Variants in SLC35F4 observed in about 807,000 individuals in gnomAD.
SLC35F4 encodes solute carrier family 35 member F4, also known as chromosome 14 open reading frame 36.
A neutral mutation model predicts 44.2 loss-of-function variants in SLC35F4; 24 were observed. The observed-to-expected ratio is 0.54, with a 90% CI of 0.39 to 0.76. The LOEUF (loss-of-function observed/expected upper bound fraction) is 0.76. Among genes scored for constraint, SLC35F4 ranks in the 30% least tolerant of loss-of-function variants. The pLI is 0.00. For missense variants in SLC35F4, 562 were observed against 586.1 expected, an observed-to-expected ratio of 0.96 and a Z score of 0.42; for synonymous variants, 238 against 223.6, an observed-to-expected ratio of 1.06 and a Z score of -0.57.
chr14:57,813,728 A>G (rs1263770049), intron 1 of SLC35F4, among the ~76,000 whole-genome samples: 1 of 152,208 alleles, frequency 6.6e-6, no homozygotes, highest in Non-Finnish European at 1.5e-5. Context: ...GCACAGCATC[A>G]GTGGGTTTGA....
chr14:57,620,891 T>G (rs1447461455), intron 1 of SLC35F4, among the ~76,000 whole-genome samples: 1 of 152,144 alleles, frequency 6.6e-6, no homozygotes, highest in Non-Finnish European at 1.5e-5. Context: ...TGTTTGCAGA[T>G]GTACATGATT....
At chr14:57,963,068 G>T (rs1020822335) in intron 1 of SLC35F4, among the ~76,000 whole-genome samples, 1 of 152,204 alleles carries the variant, frequency 6.6e-6, no homozygotes, top group Non-Finnish European at 1.5e-5. Context: ...GAACAGGAGG[G>T]AGTTGCTCAA....
At chr14:57,878,494 C>T (rs187805719) in intron 1 of SLC35F4, among the ~76,000 whole-genome samples, 54 of 152,286 alleles carry the variant, frequency 3.5e-4, no homozygotes, top group Non-Finnish European at 6.5e-4. Flanking sequence ...TCCCCTCATT[C>T]TAAATTCCTG....
chr14:57,816,792 G>A (rs956654876), intron 1 of SLC35F4, among the ~76,000 whole-genome samples: 1 of 152,174 alleles, frequency 6.6e-6, no homozygotes, highest in Non-Finnish European at 1.5e-5. Flanking sequence ...CCTCCTTTGA[G>A]TGCATGACTT....
chr14:57,877,342 T>A (rs1447135116), intron 1 of SLC35F4, among the ~76,000 whole-genome samples: 1 of 152,246 alleles, frequency 6.6e-6, no homozygotes, highest in Non-Finnish European at 1.5e-5. Context: ...CTTGTTCTTT[T>A]TGATGACTCT....
chr14:57,723,402 C>A (rs776139649), intron 1 of SLC35F4, among the ~76,000 whole-genome samples: 2 of 152,192 alleles, frequency 1.3e-5, no homozygotes, highest in Non-Finnish European at 2.9e-5. Context: ...ATTAGTGCCA[C>A]CATCAAGGAC....
chr14:57,869,388 A>C (rs1448436087), upstream of SLC35F4, among the ~76,000 whole-genome samples: 2 of 152,280 alleles, frequency 1.3e-5, no homozygotes, highest in East Asian at 3.9e-4. Flanking sequence ...ACACTTTGGA[A>C]GGGTTAGTAA....
At chr14:57,942,388 A>G (rs1426514445) in intron 1 of SLC35F4, among the ~76,000 whole-genome samples, 2 of 152,192 alleles carry the variant, frequency 1.3e-5, no homozygotes, top group East Asian at 3.8e-4. Flanking sequence ...CCCATCCAGT[A>G]TCTCAAGTTC....
chr14:57,593,577 T>C (rs2070320407), intron 2 of SLC35F4, among the ~76,000 whole-genome samples: 1 of 152,176 alleles, frequency 6.6e-6, no homozygotes, highest in Non-Finnish European at 1.5e-5. Context: ...TTTCATTCTT[T>C]TCAGGATGGG....
chr14:57,924,084 G>A (rs1038220438), intron 1 of SLC35F4, among the ~76,000 whole-genome samples: 8 of 152,196 alleles, frequency 5.3e-5, no homozygotes, highest in Non-Finnish European at 1.0e-4. Context: ...ATCCATGTAA[G>A]ATGTGACTTG....
At chr14:57,581,068 T>C in intron 4 of SLC35F4, 146 bp downstream of exon 4, 1 of 717,552 alleles carries the variant, frequency 1.4e-6, no homozygotes, top group Non-Finnish European at 2.1e-6. Flanking sequence ...CTGGGCTTTC[T>C]AATGCGTCTT....
At chr14:57,950,675 C>CTTTCTTTTTTTT (rs573848996) in intron 1 of SLC35F4, among the ~76,000 whole-genome samples, 2 of 127,212 alleles carry the variant, frequency 1.6e-5, no homozygotes, top group African/African-American at 6.4e-5. Context: ...TTCTTTCTTT[C>CTTTCTTTTTTTT]TTTTTTTTTT....
chr14:57,675,126 G>C (rs60659370), intron 1 of SLC35F4, among the ~76,000 whole-genome samples: 22,429 of 152,046 alleles, frequency 0.15, 1,896 homozygotes, highest in East Asian at 0.29. Flanking sequence ...CTTTCCTCTG[G>C]TGGTGGTTAG....
chr14:57,765,189 T>C (rs765603930), intron 1 of SLC35F4, among the ~76,000 whole-genome samples: 1 of 152,238 alleles, frequency 6.6e-6, no homozygotes, highest in Admixed American at 6.5e-5. Context: ...GGAAAATGCA[T>C]TAATGCTGTG....
chr14:57,892,676 A>T (rs1888794613), intron 1 of SLC35F4, among the ~76,000 whole-genome samples: 1 of 152,168 alleles, frequency 6.6e-6, no homozygotes, highest in African/African-American at 2.4e-5. Context: ...TTTGTATCTC[A>T]AAGACAAAAT....
intron 1 of SLC35F4, among the ~76,000 whole-genome samples, chr14:57,699,022 A>C (rs1325351426): frequency 6.6e-6 from 1 of 152,198 alleles, no homozygotes; most frequent in East Asian, 1.9e-4. Flanking sequence ...AATCTGGAAA[A>C]TCAATGAACT....
intron 5 of SLC35F4, among the ~76,000 whole-genome samples, chr14:57,571,357 A>G (rs2068494563): frequency 6.6e-6 from 1 of 152,214 alleles, no homozygotes; most frequent in Non-Finnish European, 1.5e-5. Flanking sequence ...AGAGAAAAAG[A>G]GCTTCTTCAT....
intron 1 of SLC35F4, among the ~76,000 whole-genome samples, chr14:57,748,155 G>T (rs1257798346): frequency 1.3e-5 from 2 of 152,058 alleles, no homozygotes; most frequent in Non-Finnish European, 2.9e-5. Flanking sequence ...GCCAGCAGTT[G>T]GTTAATTTTT....
chr14:57,762,709 G>A (rs2077152916), intron 1 of SLC35F4, among the ~76,000 whole-genome samples: 2 of 152,110 alleles, frequency 1.3e-5, no homozygotes, highest in Non-Finnish European at 2.9e-5. Context: ...AAAAGGATGA[G>A]TTCAGCGTCT....
Sources: allele counts gnomAD v4.1 joint callset (sites outside exome capture counted in the v4.1 genomes callset), GRCh38; gene constraint gnomAD v4.1.1; transcripts MANE v1.5; gene names NCBI Gene and HGNC (gene_info 2026-07-23, HGNC 2026-07-21).